The following NAPEPLD variants were observed in gnomAD, a reference collection of about 807,000 sequenced individuals.
NAPEPLD encodes the protein N-acyl phosphatidylethanolamine phospholipase D.
A neutral mutation model predicts 38.1 loss-of-function variants in NAPEPLD; 23 were observed. The ratio of observed to expected loss-of-function variants is 0.60; its 90% confidence interval spans 0.43 to 0.86. The LOEUF (loss-of-function observed/expected upper bound fraction) is 0.86, where lower values mean the gene tolerates loss of function less well. Among genes scored for constraint, NAPEPLD ranks in the 40% least tolerant of loss-of-function variants. The pLI is 0.00. For missense variants in NAPEPLD, 411 were observed against 476.8 expected (o/e 0.86, Z 1.28); for synonymous variants, 147 against 162.0 (o/e 0.91, Z 0.71).
intron 1 of NAPEPLD, among the ~76,000 whole-genome samples, chr7:103,137,525 C>T (rs1164747138): frequency 1.3e-5 from 2 of 152,092 alleles, no homozygotes; most frequent in East Asian, 3.8e-4. Context: ...ATTTGGAAAA[C>T]ATGCATAAAA....
upstream of NAPEPLD, chr7:103,149,407 C>T (rs1813282591): frequency 2.4e-6 from 3 of 1,226,732 alleles, no homozygotes; most frequent in Non-Finnish European, 3.1e-6. Context: ...TCTTCCTAAC[C>T]CGAGCCCGCC....
chr7:103,103,656 A>C, intron 4 of NAPEPLD, 102 bp from the exon 5 acceptor site: 4 of 1,196,684 alleles, frequency 3.3e-6, no homozygotes, highest in Non-Finnish European at 4.6e-6. Context: ...ATGCCTAGTT[A>C]GAATTAGGCC....
chr7:103,136,265 TC>T (rs1810036686), intron 1 of NAPEPLD, among the ~76,000 whole-genome samples: 1 of 149,466 alleles, frequency 6.7e-6, no homozygotes, highest in Admixed American at 6.7e-5. Context: ...AGACCCCACC[TC>T]AAAAAAAAAA....
intron 1 of NAPEPLD, among the ~76,000 whole-genome samples, chr7:103,129,798 G>A (rs1295994577): frequency 1.3e-5 from 2 of 152,096 alleles, no homozygotes; most frequent in Non-Finnish European, 2.9e-5. Flanking sequence ...TGGAGAGAAC[G>A]TTACTTCCCT....
chr7:103,140,002 A>G (rs906184248), intron 1 of NAPEPLD, among the ~76,000 whole-genome samples: 7 of 152,264 alleles, frequency 4.6e-5, no homozygotes, highest in Non-Finnish European at 8.8e-5. Context: ...AAAAATGAAT[A>G]TAACTAAAAT....
Position 103,119,994 on chromosome 7 carries a change from A to G in NAPEPLD, c.524T>C (p.Leu175Pro). The change falls in exon 3 of 5, where the codon CTC (leucine) becomes CCC (proline). Residue 175 changes from leucine (L) to proline (P), a missense_variant. Leu to Pro is a moderately conservative substitution (Grantham distance 98). Transcript: ENST00000465647. ...GATAAGGACCGCATCTATTGGAGGG[A>G]GTTCACTTATTGTGCACGGGGAACG... Reference protein sequence around the residue: ...FRRSPCTISELPPIDAVLISH... With the variant: ...FRRSPCTISEPPPIDAVLISH... 6.2e-7 allele frequency: 1 copy of G among 1,614,188 alleles called. No individual in the cohort carries two copies. The highest frequency in any genetic ancestry group is 8.5e-7 in the Non-Finnish European group (1 of 1,180,030).
Position 103,120,074 on chromosome 7 carries a change from G to A in NAPEPLD, c.444C>T (p.Pro148=), listed in dbSNP as rs1806334549. The change falls in exon 3 of 5, where the codon CCC becomes CCT. Residue 148 remains proline (P), a synonymous_variant. Transcript: ENST00000465647. ...ATGGTGAAGCACGAGAGCTAAAGATGGGATCCGTGAGAAATATGAGCTCAT... is the reference window on the plus strand; with the variant it reads ...ATGGTGAAGCACGAGAGCTAAAGATAGGATCCGTGAGAAATATGAGCTCAT... ...EMDELIFLTD[P]IFSSRASPSQ... 9 of 1,614,182 alleles carry A rather than the reference G, an allele frequency of 5.6e-6. No individual in the cohort carries two copies. The highest frequency in any genetic ancestry group is 6.8e-6 in the Non-Finnish European group (8 of 1,180,038).
chr7:103,120,277 A>G, intron 2 of NAPEPLD, 54 bp from the exon 3 acceptor site: 2 of 1,529,224 alleles, frequency 1.3e-6, no homozygotes, highest in Admixed American at 3.9e-5. Flanking sequence ...AAAGTATTAT[A>G]TCATCATAGT....
chr7:103,120,992 G>A (rs1044477419), intron 2 of NAPEPLD, among the ~76,000 whole-genome samples: 1 of 152,018 alleles, frequency 6.6e-6, no homozygotes, highest in Non-Finnish European at 1.5e-5. Flanking sequence ...TATTATAGGC[G>A]TGAGCCACTG....
intron 2 of NAPEPLD, among the ~76,000 whole-genome samples, chr7:103,121,393 C>T (rs545568330): frequency 2.0e-4 from 30 of 152,118 alleles, no homozygotes; most frequent in Non-Finnish European, 3.7e-4. Flanking sequence ...CATAGGAAGC[C>T]ACCTCATGAA....
At chr7:103,131,511 T>G (rs1169489305) in intron 1 of NAPEPLD, among the ~76,000 whole-genome samples, 2 of 151,920 alleles carry the variant, frequency 1.3e-5, no homozygotes, top group South Asian at 4.2e-4. Flanking sequence ...ATACAAAAAG[T>G]AGCCGGGCGT....
chr7:103,101,499 AACAAT>A lies in NAPEPLD; in HGVS notation c.*1925_*1929del, dbSNP rs1313837008. On this transcript the variant is annotated 3_prime_UTR_variant, in exon 5 of 5. Transcript: ENST00000465647. Reference sequence around the variant, plus strand: ...ATATAATGCTTAAATTTGCAACAGGAACAATACATTATCAAAAGCATTAACCTGTA... The same window carrying A: ...ATATAATGCTTAAATTTGCAACAGGAACATTATCAAAAGCATTAACCTGTA... 2.0e-5 allele frequency: 3 copies of A among 152,618 alleles called. No homozygotes were observed. The highest frequency in any genetic ancestry group is 4.4e-5 in the Non-Finnish European group (3 of 68,034). The allele number at this position is 152,618 out of a possible 1,614,324, so 9.5% of individuals were successfully genotyped here.
At chr7:103,124,470 AG>A (rs1439654317) in intron 2 of NAPEPLD, among the ~76,000 whole-genome samples, 4 of 151,958 alleles carry the variant, frequency 2.6e-5, no homozygotes, top group African/African-American at 9.7e-5. Flanking sequence ...GAAAAAAAAA[AG>A]GAAGAAAGAA....
intron 2 of NAPEPLD, among the ~76,000 whole-genome samples, chr7:103,126,603 T>TTTTTG (rs1563360152): frequency 6.7e-6 from 1 of 150,132 alleles, no homozygotes; most frequent in African/African-American, 2.4e-5. Context: ...AATGCAATTT[T>TTTTTG]TTTTGTTTTG....
chr7:103,119,820 C>T lies in NAPEPLD; in HGVS notation c.698G>A (p.Trp233Ter). 1.2e-6 allele frequency: 2 copies of T among 1,614,146 alleles called. No individual in the cohort carries two copies. Among genetic ancestry groups the T allele is most frequent in the Non-Finnish European group, 1.7e-6 (2 of 1,180,028 alleles). ...ATGTCCGGGGACACAATTCTCCTCCCACCAGTCCAACTCAATCACATTCTC... is the reference window on the plus strand; with the variant it reads ...ATGTCCGGGGACACAATTCTCCTCCTACCAGTCCAACTCAATCACATTCTC... ...GCENVIELDW[W>*]EENCVPGHDK... The change falls in exon 3 of 5, where the codon TGG (tryptophan) becomes TAG (stop). Residue 233 changes from tryptophan to a stop codon, truncating the protein, a stop_gained. Coordinates refer to ENST00000465647, the MANE Select transcript of NAPEPLD (RefSeq NM_001122838.3). LOFTEE classifies it high-confidence loss of function.
chr7:103,135,056 G>GAT (rs1809753567), intron 1 of NAPEPLD, among the ~76,000 whole-genome samples: 2 of 152,150 alleles, frequency 1.3e-5, no homozygotes, highest in South Asian at 4.1e-4. Context: ...ATACCTTTGG[G>GAT]ATTTCAACAC....
upstream of NAPEPLD, chr7:103,149,502 G>A: frequency 7.9e-7 from 1 of 1,262,464 alleles, no homozygotes; most frequent in Non-Finnish European, 1.0e-6. Context: ...AGTCGTCGCC[G>A]GGTCACTCCC....
intron 3 of NAPEPLD, 79 bp from the exon 4 acceptor site, chr7:103,115,253 C>T (rs1313024961): frequency 2.0e-6 from 2 of 1,010,200 alleles, no homozygotes; most frequent in Admixed American, 4.1e-5. Flanking sequence ...CTTAACCAAA[C>T]TTTAAGATTC....
At chr7:103,123,255 G>T (rs1351315219) in intron 2 of NAPEPLD, among the ~76,000 whole-genome samples, 1 of 152,136 alleles carries the variant, frequency 6.6e-6, no homozygotes, top group Non-Finnish European at 1.5e-5. Context: ...CACAGAATTT[G>T]TCCCATGTCT....
Sources: gnomAD v4.1 joint callset for allele counts (sites outside exome capture counted in the v4.1 genomes callset) on GRCh38, gnomAD v4.1.1 for gene constraint, MANE v1.5 for transcripts, NCBI Gene and HGNC (gene_info 2026-07-23, HGNC 2026-07-21) for gene names.